OTUD7B: variants seen among roughly 807,000 people sequenced by gnomAD.
The protein encoded by OTUD7B is OTU deubiquitinase 7B.
OTUD7B carries 34 observed loss-of-function variants against 82.2 expected under a neutral mutation model. That is an observed-to-expected ratio of 0.41 (90% CI 0.31 to 0.55). OTUD7B has a LOEUF of 0.55. Among genes scored for constraint, OTUD7B ranks in the 20% least tolerant of loss-of-function variants. OTUD7B has a pLI of 0.20. For missense variants in OTUD7B, 944 were observed against 1,062.1 expected, an observed-to-expected ratio of 0.89 and a Z score of 1.55; for synonymous variants, 398 against 402.7, an observed-to-expected ratio of 0.99 and a Z score of 0.14.
chr1:150,022,799 G>A, the OTUD7B span, among the ~76,000 whole-genome samples: 6 of 152,134 alleles, frequency 3.9e-5, no homozygotes, highest in South Asian at 1.2e-3. Flanking sequence ...ATATCCAATG[G>A]TATGTATTTT....
chr1:149,994,603 A>C (rs1651806089), intron 1 of OTUD7B, among the ~76,000 whole-genome samples: 1 of 146,126 alleles, frequency 6.8e-6, no homozygotes, highest in South Asian at 2.3e-4. Flanking sequence ...AAAAAAAAAA[A>C]AAACCCAATT....
chr1:149,963,461 T>G (rs1170344666), intron 6 of OTUD7B: 1 of 152,222 alleles, frequency 6.6e-6, no homozygotes, highest in Non-Finnish European at 1.5e-5. Context: ...ATGTTACTAC[T>G]GTGCTGCTGG....
the OTUD7B span, among the ~76,000 whole-genome samples, chr1:150,027,502 G>A: frequency 5.9e-5 from 9 of 152,200 alleles, no homozygotes; most frequent in East Asian, 5.8e-4. Context: ...CAGGAGAATC[G>A]GTTGAACCTA....
At chr1:150,062,464 C>T in the OTUD7B span, among the ~76,000 whole-genome samples, 2 of 152,072 alleles carry the variant, frequency 1.3e-5, no homozygotes, top group Non-Finnish European at 2.9e-5. Context: ...CAGCGAATTC[C>T]CTTTTCTAAT....
chr1:150,058,343 C>CA, the OTUD7B span, among the ~76,000 whole-genome samples: 3 of 152,066 alleles, frequency 2.0e-5, no homozygotes, highest in East Asian at 3.9e-4. Flanking sequence ...CCTGTCTCTA[C>CA]AAAAAAATAC....
At chr1:149,947,739 A>G (rs587690620) in intron 10 of OTUD7B, among the ~76,000 whole-genome samples, 2 of 152,282 alleles carry the variant, frequency 1.3e-5, no homozygotes, top group Admixed American at 6.5e-5. Flanking sequence ...GGATTTTAAA[A>G]TCAAACTCTC....
At chr1:150,025,627 CA>C in the OTUD7B span, among the ~76,000 whole-genome samples, 1 of 152,174 alleles carries the variant, frequency 6.6e-6, no homozygotes, top group Non-Finnish European at 1.5e-5. Context: ...CAGAGCCTCA[CA>C]TCTTACAGTG....
intron 7 of OTUD7B, among the ~76,000 whole-genome samples, 193 bp downstream of exon 7, chr1:149,959,491 T>C (rs1317145906): frequency 6.6e-6 from 1 of 152,230 alleles, no homozygotes; most frequent in Non-Finnish European, 1.5e-5. Context: ...TGGGCTACTT[T>C]ATATTCCAGT....
the OTUD7B span, among the ~76,000 whole-genome samples, chr1:150,038,887 G>C: frequency 6.6e-6 from 1 of 152,032 alleles, no homozygotes; most frequent in Non-Finnish European, 1.5e-5. Context: ...AATTCTTTCT[G>C]TGTAGGGTTT....
chr1:150,051,338 A>G, the OTUD7B span, among the ~76,000 whole-genome samples: 1 of 151,804 alleles, frequency 6.6e-6, no homozygotes, highest in African/African-American at 2.4e-5. Flanking sequence ...TGGAAATTCC[A>G]TGATATTTTT....
At chr1:149,977,668 C>A (rs1650419875) in intron 1 of OTUD7B, 92 bp from the exon 2 acceptor site, 3 of 580,260 alleles carry the variant, frequency 5.2e-6, no homozygotes, top group African/African-American at 3.7e-5. Context: ...AATGGGGAAA[C>A]TATCCTAGCT....
Position 149,949,073 on chromosome 1 carries a change from T to A in OTUD7B, c.1134A>T (p.Pro378=), listed in dbSNP as rs782191513. The A allele has an allele frequency of 4.4e-6, 7 of 1,606,304 alleles. No homozygotes were observed. Among genetic ancestry groups the A allele is most frequent in the Non-Finnish European group, 6.0e-6 (7 of 1,172,832 alleles). Reference sequence around the variant, plus strand: ...GCAGCTTATACTCTGAATCTGTAAGTGGGATCACAGCTGGAGAGGAAGAAA... The same window carrying A: ...GCAGCTTATACTCTGAATCTGTAAGAGGGATCACAGCTGGAGAGGAAGAAA... ...KENTKEQAVI[P]LTDSEYKLLP... is the part of the protein sequence containing the mutation. Residue 378 remains proline (P), a synonymous_variant, in exon 10 of 12, where the codon CCA becomes CCT. Transcript: ENST00000581312.
the OTUD7B span, chr1:150,055,134 T>C: frequency 6.6e-6 from 1 of 152,088 alleles, no homozygotes; most frequent in African/African-American, 2.4e-5. Context: ...GCCCCTCAGG[T>C]TCACGCCATT....
intron 10 of OTUD7B, among the ~76,000 whole-genome samples, chr1:149,948,714 G>A (rs16838432): frequency 0.047 from 7,105 of 152,172 alleles, 581 homozygotes; most frequent in African/African-American, 0.16. Flanking sequence ...ATGAATCAGT[G>A]TATGAACACT....
At chr1:149,952,146 C>A (rs1472335146) in intron 7 of OTUD7B, among the ~76,000 whole-genome samples, 1 of 151,854 alleles carries the variant, frequency 6.6e-6, no homozygotes, top group Non-Finnish European at 1.5e-5. Context: ...GTGTGCTGCA[C>A]CCATTAACTC....
chr1:149,957,925 A>G (rs1648812505), intron 7 of OTUD7B, among the ~76,000 whole-genome samples: 1 of 152,212 alleles, frequency 6.6e-6, no homozygotes, highest in South Asian at 2.1e-4. Flanking sequence ...TTTTCCAGGT[A>G]CCGTCTGTCA....
At chr1:150,066,296 T>C in the OTUD7B span, among the ~76,000 whole-genome samples, 6,740 of 152,292 alleles carry the variant, frequency 0.044, 485 homozygotes, top group African/African-American at 0.15. This position sits in a 1 kb window ranked among gnomAD's most constrained non-coding sequence, Gnocchi z 4.6. Context: ...GGAATGTTCA[T>C]ATAACATTTC....
At chr1:149,945,143 T>A in intron 11 of OTUD7B, 78 bp from the exon 12 acceptor site, 6 of 1,516,194 alleles carry the variant, frequency 4.0e-6, no homozygotes, top group Non-Finnish European at 5.3e-6. Flanking sequence ...CTCTAGCCCA[T>A]CCATCTGGCT....
chr1:150,044,921 G>A, the OTUD7B span, among the ~76,000 whole-genome samples: 1 of 151,498 alleles, frequency 6.6e-6, no homozygotes, highest in Non-Finnish European at 1.5e-5. Context: ...AAGAAACTCA[G>A]TTTTAAAACA....
Sources: allele counts gnomAD v4.1 joint callset (sites outside exome capture counted in the v4.1 genomes callset), GRCh38; gene constraint gnomAD v4.1.1; non-coding constraint Gnocchi (gnomAD v3.1); transcripts MANE v1.5; gene names NCBI Gene and HGNC (gene_info 2026-07-23, HGNC 2026-07-21).